The following ROBO1 variants were observed in gnomAD, a reference collection of about 807,000 sequenced individuals.
ROBO1 encodes the protein roundabout homolog 1.
ROBO1 carries 149 observed loss-of-function variants against 195.9 expected under a neutral mutation model. The ratio of observed to expected loss-of-function variants is 0.76; its 90% CI spans 0.67 to 0.87. The LOEUF is 0.87. Ranked by LOEUF, ROBO1 falls within the 40% of genes least tolerant of loss-of-function variation. The pLI, the probability that ROBO1 is intolerant of heterozygous loss-of-function variation, is 0.00. For missense variants in ROBO1, 1,933 were observed against 2,068.3 expected (o/e 0.93, Z 1.27); for synonymous variants, 816 against 733.2 (o/e 1.11, Z -1.82).
At chr3:79,133,733 G>T (rs1433340635) in intron 2 of ROBO1, among the ~76,000 whole-genome samples, 1 of 119,588 alleles carries the variant, frequency 8.4e-6, no homozygotes, top group Non-Finnish European at 1.7e-5. Context: ...GTGAGGAACT[G>T]CGTTCCTTTG....
At chr3:78,659,066 A>T (rs1707218009) in intron 17 of ROBO1, among the ~76,000 whole-genome samples, 1 of 152,178 alleles carries the variant, frequency 6.6e-6, no homozygotes, top group African/African-American at 2.4e-5. Flanking sequence ...AATCCTTAAA[A>T]ATCTTCTATA....
At chr3:79,265,839 T>A (rs2083031335) in intron 2 of ROBO1, among the ~76,000 whole-genome samples, 1 of 151,426 alleles carries the variant, frequency 6.6e-6, no homozygotes, top group Non-Finnish European at 1.5e-5. Context: ...CTGTATAATT[T>A]TACTGCATCA....
intron 1 of ROBO1, among the ~76,000 whole-genome samples, chr3:79,745,317 C>T (rs539406849): frequency 6.6e-6 from 1 of 152,196 alleles, no homozygotes; most frequent in South Asian, 2.1e-4. Context: ...AGGAAATAAT[C>T]GTATTAATGT....
chr3:78,662,097 G>A lies in ROBO1; in HGVS notation c.1984C>T (p.Gln662Ter). 6.4e-7 allele frequency: 1 copy of A among 1,564,562 alleles called. No homozygotes were observed. Among genetic ancestry groups the A allele is most frequent in the Non-Finnish European group, 8.7e-7 (1 of 1,153,744 alleles). ...VKTQDVLPTSQGVDHKQVQRE... is the reference protein window; with the variant it reads ...VKTQDVLPTS ...TGGACCTGCTTGTGGTCCACCCCCT[G>A]ACTTGTTGGTAGGACATCTACAACA... Residue 662 changes from glutamine to a stop codon, truncating the protein, a stop_gained, in exon 15 of 31, where the codon CAG becomes TAG. Coordinates refer to ENST00000464233, the MANE Select transcript of ROBO1 (RefSeq NM_002941.4). LOFTEE classifies it high-confidence loss of function.
At chr3:78,847,672 G>A (rs1201084899) in intron 4 of ROBO1, among the ~76,000 whole-genome samples, 1 of 152,168 alleles carries the variant, frequency 6.6e-6, no homozygotes, top group Non-Finnish European at 1.5e-5. Context: ...AGGTAGGTGA[G>A]AGAGTGGTAT....
chr3:78,991,242 C>T (rs1195008098), intron 3 of ROBO1, among the ~76,000 whole-genome samples: 1 of 151,992 alleles, frequency 6.6e-6, no homozygotes, highest in Non-Finnish European at 1.5e-5. Context: ...ATGGGTACCA[C>T]CAATGAACAA....
intron 2 of ROBO1, among the ~76,000 whole-genome samples, chr3:79,366,013 C>G (rs919737298): frequency 6.6e-6 from 1 of 152,106 alleles, no homozygotes; most frequent in Non-Finnish European, 1.5e-5. Flanking sequence ...GCACTCTCAT[C>G]CTTGTATGTT....
At chr3:79,387,426 A>G (rs2036790067) in intron 2 of ROBO1, among the ~76,000 whole-genome samples, 1 of 150,476 alleles carries the variant, frequency 6.6e-6, no homozygotes, top group Non-Finnish European at 1.5e-5. Flanking sequence ...TAATTTGTGT[A>G]TATATATACA....
intron 1 of ROBO1, among the ~76,000 whole-genome samples, chr3:79,664,843 T>G (rs1460620006): frequency 6.6e-6 from 1 of 151,980 alleles, no homozygotes; most frequent in Non-Finnish European, 1.5e-5. Flanking sequence ...TAGGCAGGTT[T>G]TCTGAAAAGT....
At chr3:78,989,484 C>T (rs1195004172) in intron 3 of ROBO1, among the ~76,000 whole-genome samples, 1 of 152,078 alleles carries the variant, frequency 6.6e-6, no homozygotes, top group Non-Finnish European at 1.5e-5. Flanking sequence ...CATGGTGGCG[C>T]AAGCCTGTAG....
intron 1 of ROBO1, among the ~76,000 whole-genome samples, chr3:79,710,089 C>T (rs1702212909): frequency 6.6e-6 from 1 of 151,942 alleles, no homozygotes; most frequent in African/African-American, 2.4e-5. Flanking sequence ...AATAAAGAAG[C>T]TGAAGAAATA....
At chr3:79,693,816 A>C (rs554473291) in intron 1 of ROBO1, among the ~76,000 whole-genome samples, 1 of 151,822 alleles carries the variant, frequency 6.6e-6, no homozygotes, top group South Asian at 2.1e-4. Context: ...GGACACCAAA[A>C]ATGATACTGT....
intron 3 of ROBO1, among the ~76,000 whole-genome samples, chr3:78,963,778 AAATGCTGGG>A (rs1160501417): frequency 6.6e-6 from 1 of 152,014 alleles, no homozygotes; most frequent in Non-Finnish European, 1.5e-5. Context: ...CGGCTTCCCA[AAATGCTGGG>A]ATTACAGGCG....
At chr3:79,233,715 T>C (rs914579226) in intron 2 of ROBO1, among the ~76,000 whole-genome samples, 1 of 152,080 alleles carries the variant, frequency 6.6e-6, no homozygotes, top group Non-Finnish European at 1.5e-5. Context: ...CTATGTGCTA[T>C]TTTAAAAATA....
chr3:79,631,644 T>C (rs1420193658), intron 1 of ROBO1, among the ~76,000 whole-genome samples: 1 of 151,982 alleles, frequency 6.6e-6, no homozygotes, highest in East Asian at 1.9e-4. Flanking sequence ...TGGTACTCAA[T>C]TACTCTAAAA....
At chr3:78,880,278 C>A (rs1054577565) in intron 4 of ROBO1, among the ~76,000 whole-genome samples, 50 of 152,104 alleles carry the variant, frequency 3.3e-4, no homozygotes, top group Non-Finnish European at 5.9e-5. Flanking sequence ...GACTCCTACA[C>A]AGTTATTTAA....
intron 3 of ROBO1, among the ~76,000 whole-genome samples, chr3:79,028,601 A>G (rs569262246): frequency 1.3e-4 from 20 of 152,082 alleles, no homozygotes; most frequent in Admixed American, 9.2e-4. Context: ...TAGATATCCT[A>G]TTAAAGCAAT....
intron 2 of ROBO1, among the ~76,000 whole-genome samples, chr3:79,277,790 T>TAA (rs141168797): frequency 0.094 from 14,009 of 149,304 alleles, 1,001 homozygotes; most frequent in African/African-American, 0.2. Context: ...ACATTAAAAA[T>TAA]AAAAAAAAAC....
At chr3:79,598,400 C>A (rs536020561) in intron 1 of ROBO1, among the ~76,000 whole-genome samples, 1 of 152,098 alleles carries the variant, frequency 6.6e-6, no homozygotes, top group East Asian at 1.9e-4. Flanking sequence ...TGCTATACTC[C>A]TAGACTTCCA....
Sources: gnomAD v4.1 joint callset for allele counts (sites outside exome capture counted in the v4.1 genomes callset) on GRCh38, gnomAD v4.1.1 for gene constraint, MANE v1.5 for transcripts, NCBI Gene and HGNC (gene_info 2026-07-23, HGNC 2026-07-21) for gene names.